SVIL: variants seen among roughly 807,000 people sequenced by gnomAD.
The protein encoded by SVIL is archvillin.
In SVIL, 101 loss-of-function variants were observed where a neutral mutation model predicts 240.4. The ratio of observed to expected loss-of-function variants is 0.42; its 90% CI spans 0.36 to 0.50. The LOEUF is 0.50. SVIL is among the 20% of genes least tolerant of loss of function. The pLI, the probability that SVIL is intolerant of heterozygous loss-of-function variation, is 0.01. For missense variants in SVIL, 2,512 were observed against 2,818.7 expected, an observed-to-expected ratio of 0.89 and a Z score of 2.46; for synonymous variants, 999 against 1,100.0, an observed-to-expected ratio of 0.91 and a Z score of 1.82.
intron 27 of SVIL, chr10:29,483,683 G>A (rs1947119557): frequency 6.6e-6 from 1 of 152,144 alleles, no homozygotes; most frequent in African/African-American, 2.4e-5. Context: ...CTGAGCTGTA[G>A]TTCCAGTCCT....
At chr10:29,459,313 C>A (rs1262395005) in intron 36 of SVIL, among the ~76,000 whole-genome samples, 1 of 152,070 alleles carries the variant, frequency 6.6e-6, no homozygotes, top group East Asian at 1.9e-4. Flanking sequence ...ATGATGGAGT[C>A]TTGTTTCTCT....
At chr10:29,553,890 G>A (rs992227404) in intron 5 of SVIL, among the ~76,000 whole-genome samples, 6 of 152,152 alleles carry the variant, frequency 3.9e-5, no homozygotes, top group African/African-American at 9.7e-5. Flanking sequence ...TGACTCTAGC[G>A]CTCCCTGCTG....
intron 1 of SVIL, among the ~76,000 whole-genome samples, chr10:29,570,679 G>A (rs913992944): frequency 6.6e-6 from 1 of 152,208 alleles, no homozygotes; most frequent in Non-Finnish European, 1.5e-5. Flanking sequence ...AGCACATCTA[G>A]CATTTGATCC....
chr10:29,476,584 G>A (rs560151597), intron 29 of SVIL, among the ~76,000 whole-genome samples: 1 of 151,750 alleles, frequency 6.6e-6, no homozygotes, highest in African/African-American at 2.4e-5. Flanking sequence ...TTATTTTTTT[G>A]TATAAACAAG....
chr10:29,709,796 C>T (rs1481544328), intron 1 of SVIL, among the ~76,000 whole-genome samples: 2 of 152,162 alleles, frequency 1.3e-5, no homozygotes, highest in Non-Finnish European at 2.9e-5. Context: ...ACCCCCAGCA[C>T]CCAGCCGGCT....
chr10:29,593,292 C>T (rs1450916442), intron 1 of SVIL, among the ~76,000 whole-genome samples: 1 of 152,194 alleles, frequency 6.6e-6, no homozygotes, highest in Non-Finnish European at 1.5e-5. Context: ...CTGACAGTAG[C>T]GGACAGTTGG....
intron 1 of SVIL, among the ~76,000 whole-genome samples, chr10:29,700,227 G>A (rs566026443): frequency 3.5e-4 from 53 of 152,234 alleles, no homozygotes; most frequent in African/African-American, 1.1e-3. Context: ...TGGAATGCAC[G>A]TAAAATAAAG....
chr10:29,685,061 T>C (rs1019739984), intron 2 of SVIL, among the ~76,000 whole-genome samples: 2 of 152,168 alleles, frequency 1.3e-5, no homozygotes, highest in African/African-American at 2.4e-5. Flanking sequence ...TCTGATCTTT[T>C]CTCTCCCCCA....
At chr10:29,660,560 G>T (rs186202967) in intron 2 of SVIL, among the ~76,000 whole-genome samples, 1,784 of 152,136 alleles carry the variant, frequency 0.012, 17 homozygotes, top group Non-Finnish European at 0.016. Flanking sequence ...GTGAGCCATG[G>T]TCTCACCACT....
At chr10:29,474,592 T>C (rs1945965052) in intron 29 of SVIL, among the ~76,000 whole-genome samples, 1 of 114,978 alleles carries the variant, frequency 8.7e-6, no homozygotes, top group South Asian at 3.1e-4. Context: ...GAGACTCTCT[T>C]ACAAATAAAT....
chr10:29,637,348 G>T (rs1021406622), upstream of SVIL, among the ~76,000 whole-genome samples: 1 of 152,040 alleles, frequency 6.6e-6, no homozygotes, highest in Non-Finnish European at 1.5e-5. Flanking sequence ...TTAGCCAGGC[G>T]TGGTGGTGCA....
At chr10:29,487,946 T>C (rs1947576285) in intron 23 of SVIL, among the ~76,000 whole-genome samples, 1 of 152,190 alleles carries the variant, frequency 6.6e-6, no homozygotes, top group South Asian at 2.1e-4. Flanking sequence ...CAGAAACATG[T>C]GGGAAACCCT....
intron 2 of SVIL, among the ~76,000 whole-genome samples, chr10:29,683,781 C>T (rs1405834778): frequency 6.6e-6 from 1 of 152,112 alleles, no homozygotes; most frequent in Non-Finnish European, 1.5e-5. Context: ...CAGCCTGTGC[C>T]AGGCCCTCAC....
At position 29,625,912 on chromosome 10, in the gene SVIL, G is replaced by A. The variant is rs551266120; in HGVS notation, c.-201+8508C>T. Among the ~76,000 whole-genome samples, 30 of 152,258 alleles carry A rather than the reference G, an allele frequency of 2.0e-4. No homozygotes were observed. The South Asian group carries it at 6.2e-3, about 32-fold the overall frequency. On this transcript the variant is annotated intron_variant, in intron 1 of 37. Coordinates refer to ENST00000355867, the MANE Select transcript of SVIL (RefSeq NM_021738.3). ...TAGGAACCATGCCGGGTTTTTTGGG[G>A]TCTTTTTTCAGCTTTGAGGTATAAT...
intron 6 of SVIL, among the ~76,000 whole-genome samples, chr10:29,545,331 G>A (rs116681465): frequency 1.3e-5 from 2 of 152,202 alleles, no homozygotes; most frequent in African/African-American, 2.4e-5. Context: ...TTCCTGAGCC[G>A]ATCGGCGGCT....
intron 2 of SVIL, among the ~76,000 whole-genome samples, chr10:29,568,632 A>G (rs1381703333): frequency 1.3e-5 from 2 of 152,194 alleles, no homozygotes; most frequent in African/African-American, 2.4e-5. Flanking sequence ...CACTTCTCTT[A>G]CATCCATGAT....
chr10:29,511,328 G>A (rs1015969770), intron 17 of SVIL, among the ~76,000 whole-genome samples: 10 of 138,612 alleles, frequency 7.2e-5, no homozygotes, highest in Admixed American at 2.2e-4. Flanking sequence ...CTTTTGCTTC[G>A]TGCTTTTTGG....
At position 29,480,829 on chromosome 10, in the gene SVIL, A is replaced by C; in HGVS notation, c.5101-16T>G. On this transcript the variant is annotated splice_polypyrimidine_tract_variant and intron_variant, in intron 28 of 37. Transcript: ENST00000355867. ...TGGGGTCTTCCTACAGGGGAACACA[A>C]AGACATCAGTTCAGTTGCCTGTTTC... The C allele has an allele frequency of 5.6e-6, 9 of 1,594,398 alleles. No homozygotes were observed. Among genetic ancestry groups the C allele is most frequent in the Non-Finnish European group, 7.7e-6 (9 of 1,170,940 alleles).
intron 2 of SVIL, among the ~76,000 whole-genome samples, chr10:29,665,478 G>T (rs1013041083): frequency 6.6e-6 from 1 of 151,948 alleles, no homozygotes; most frequent in Non-Finnish European, 1.5e-5. Flanking sequence ...TTTTGTCTAG[G>T]TGGACAACTA....
Sources: gnomAD v4.1 joint callset for allele counts (sites outside exome capture counted in the v4.1 genomes callset) on GRCh38, gnomAD v4.1.1 for gene constraint, MANE v1.5 for transcripts, NCBI Gene and HGNC (gene_info 2026-07-23, HGNC 2026-07-21) for gene names.